Variants in SLMAP observed in about 807,000 individuals in gnomAD.
SLMAP encodes sarcolemma associated protein.
Under a neutral mutation model 128.8 loss-of-function variants are expected in SLMAP, and 44 were observed. The ratio of observed to expected loss-of-function variants is 0.34; its 90% CI spans 0.27 to 0.44. SLMAP has a LOEUF of 0.44. Ranked by LOEUF, SLMAP falls within the 20% of genes least tolerant of loss-of-function variation. The pLI, the probability that SLMAP is intolerant of heterozygous loss-of-function variation, is 1.00. For synonymous variants in SLMAP, 327 were observed against 348.8 expected (o/e 0.94, Z 0.70); for missense variants, 787 against 985.3 (o/e 0.80, Z 2.69).
chr3:57,861,349 A>G (rs1204316334), intron 9 of SLMAP, among the ~76,000 whole-genome samples: 1 of 152,172 alleles, frequency 6.6e-6, no homozygotes, highest in Non-Finnish European at 1.5e-5. Flanking sequence ...TTTGGGGAAA[A>G]AAATTCTAAT....
intron 2 of SLMAP, among the ~76,000 whole-genome samples, chr3:57,821,666 A>G (rs1047825401): frequency 1.1e-4 from 17 of 152,064 alleles, no homozygotes; most frequent in African/African-American, 3.9e-4. Context: ...ATTTCTGGTG[A>G]CTCCCACTGC....
At chr3:57,835,252 A>T (rs1408892048) in intron 3 of SLMAP, among the ~76,000 whole-genome samples, 1 of 151,714 alleles carries the variant, frequency 6.6e-6, no homozygotes, top group Non-Finnish European at 1.5e-5. Flanking sequence ...CAGCCTGGGC[A>T]ACATAGGGAG....
Position 57,865,287 on chromosome 3 carries a change from A to G in SLMAP, c.1232A>G (p.Glu411Gly), listed in dbSNP as rs1397856240. Residue 411 changes from glutamate (E) to glycine (G), a missense_variant, in exon 13 of 25, where the codon GAA becomes GGA. Coordinates refer to ENST00000671191, the MANE Select transcript of SLMAP (RefSeq NM_001377540.1). ...DFLPKINGSTEKEHLLSKSGG... is the reference protein window; with the variant it reads ...DFLPKINGSTGKEHLLSKSGG... The stretch of plus-strand genomic sequence containing the variant: ...TTACCTAAAATAAATGGGAGCACAG[A>G]AAAAGGTAGTGTAAAAAACTTAAAT... 3.5e-6 allele frequency: 5 copies of G among 1,445,936 alleles called. No homozygotes were observed. Among genetic ancestry groups the G allele is most frequent in the Non-Finnish European group, 4.7e-6 (5 of 1,060,354 alleles). The allele number at this position is 1,445,936 out of a possible 1,614,324, so 89.6% of individuals were successfully genotyped here. A position where few individuals can be genotyped will look rare whatever the true frequency, so the allele number is the denominator to read the frequency against.
chr3:57,760,384 A>G (rs1353261254), intron 2 of SLMAP, among the ~76,000 whole-genome samples: 2 of 152,206 alleles, frequency 1.3e-5, no homozygotes, highest in Non-Finnish European at 2.9e-5. Flanking sequence ...GTAATTATTG[A>G]TTATTATACC....
intron 2 of SLMAP, among the ~76,000 whole-genome samples, chr3:57,765,780 A>T (rs1368572269): frequency 6.6e-6 from 1 of 152,228 alleles, no homozygotes; most frequent in Non-Finnish European, 1.5e-5. Flanking sequence ...GAACATGTAT[A>T]GGAAGCCAGA....
intron 19 of SLMAP, among the ~76,000 whole-genome samples, chr3:57,911,204 A>G (rs1465178257): frequency 6.6e-6 from 1 of 152,082 alleles, no homozygotes; most frequent in African/African-American, 2.4e-5. Flanking sequence ...TGGTGCCAGC[A>G]TGTGTATTTC....
chr3:57,858,755 C>T (rs192991371), intron 8 of SLMAP, among the ~76,000 whole-genome samples: 10 of 152,194 alleles, frequency 6.6e-5, no homozygotes, highest in South Asian at 4.1e-4. Context: ...CCAGTCCAAC[C>T]GACATGGAGA....
intron 2 of SLMAP, among the ~76,000 whole-genome samples, chr3:57,775,056 T>C (rs1199722383): frequency 6.9e-6 from 1 of 145,530 alleles, no homozygotes; most frequent in Non-Finnish European, 1.5e-5. Context: ...AACTTTATAT[T>C]TTTCTTTTTT....
chr3:57,803,990 A>G (rs2089225473), intron 2 of SLMAP, among the ~76,000 whole-genome samples: 1 of 152,208 alleles, frequency 6.6e-6, no homozygotes, highest in African/African-American at 2.4e-5. Flanking sequence ...AGTTCCTTGT[A>G]GAGTTCTTCT....
At chr3:57,877,090 GTTA>G (rs1473485148) in intron 14 of SLMAP, among the ~76,000 whole-genome samples, 2 of 151,336 alleles carry the variant, frequency 1.3e-5, no homozygotes, top group African/African-American at 2.4e-5. Flanking sequence ...ATCCGTGTTT[GTTA>G]TTATTATGAG....
At position 57,885,771 on chromosome 3, in the gene SLMAP, C is replaced by CTT. The variant is rs35541333; in HGVS notation, c.1301-4241_1301-4240dup. The stretch of plus-strand genomic sequence containing the variant: ...TTGTTTTGCTTTTCGGTTTTTGGTT[C>CTT]TTTTTTTTTTTTTTTTTTTTTTTTT... On this transcript the variant is annotated intron_variant, in intron 14 of 24. Transcript: ENST00000671191. 7.4e-3 allele frequency among the ~76,000 whole-genome samples: 397 copies of CTT among 53,560 alleles called. 93 individuals are homozygous for CTT. Among genetic ancestry groups the CTT allele is most frequent in the Middle Eastern group, 0.019 (1 of 54 alleles). 35.1% of individuals were successfully genotyped at this position (53,560 alleles called of 152,430 possible). A position where few individuals can be genotyped will look rare whatever the true frequency, so the allele number is the denominator to read the frequency against.
At chr3:57,796,194 G>T (rs1258424439) in intron 2 of SLMAP, among the ~76,000 whole-genome samples, 2 of 152,106 alleles carry the variant, frequency 1.3e-5, no homozygotes, top group Non-Finnish European at 2.9e-5. Context: ...TTTATGGGAG[G>T]AGTTTTATTA....
rs114629904 is a variant in SLMAP, at chr3:57,864,944, A to G, written c.1186+87A>G. On this transcript the variant is annotated intron_variant, in intron 12 of 24. Transcript: ENST00000671191. ...TTACTGTCTCACACTGCATTTTTTA[A>G]GGGATGTTTTATGTATTAGGTATAA... 3,055 of 1,071,910 alleles carry G rather than the reference A, an allele frequency of 2.9e-3. 44 individuals are homozygous for G. In the African/African-American group the frequency reaches 0.044, roughly 16 times the overall value. 66.4% of individuals were successfully genotyped at this position (1,071,910 alleles called of 1,614,324 possible). A position where few individuals can be genotyped will look rare whatever the true frequency, so the allele number is the denominator to read the frequency against.
intron 2 of SLMAP, among the ~76,000 whole-genome samples, chr3:57,778,368 C>CT (rs967410636): frequency 2.9e-4 from 42 of 142,758 alleles, no homozygotes; most frequent in South Asian, 8.8e-4. Context: ...TAATGTGTGC[C>CT]TTTTTTTTTT....
chr3:57,915,072 GA>G (rs976838171), intron 21 of SLMAP, among the ~76,000 whole-genome samples: 11 of 151,576 alleles, frequency 7.3e-5, no homozygotes, highest in African/African-American at 2.7e-4. Context: ...TTCTAGTAGA[GA>G]GGGGGTTTCA....
intron 2 of SLMAP, among the ~76,000 whole-genome samples, chr3:57,789,556 A>C (rs897141238): frequency 6.6e-6 from 1 of 152,168 alleles, no homozygotes; most frequent in Non-Finnish European, 1.5e-5. Context: ...AAACTGACTT[A>C]GCAAGGTTCT....
chr3:57,908,734 C>T (rs965131969), intron 18 of SLMAP, among the ~76,000 whole-genome samples: 1 of 152,110 alleles, frequency 6.6e-6, no homozygotes, highest in Non-Finnish European at 1.5e-5. Flanking sequence ...ATGTGCTTGA[C>T]AGTAAATATA....
rs200743174 is a variant in SLMAP at position 57,776,445 on chromosome 3, A to T, written c.198+18596A>T. 2.0e-5 allele frequency among the ~76,000 whole-genome samples: 3 copies of T among 149,612 alleles called. No homozygotes were observed. The East Asian group carries it at 5.9e-4, about 29-fold the overall frequency. On this transcript the variant is annotated intron_variant, in intron 2 of 24. Coordinates refer to ENST00000671191, the MANE Select transcript of SLMAP (RefSeq NM_001377540.1). ...AATTGAGTGATAGATCAAATAAGTG[A>T]TCGTTTAATGCTTTCTTTGTGAAAT...
At chr3:57,789,353 G>T (rs1234832979) in intron 2 of SLMAP, among the ~76,000 whole-genome samples, 1 of 152,118 alleles carries the variant, frequency 6.6e-6, no homozygotes, top group African/African-American at 2.4e-5. Context: ...AAGGATCAGT[G>T]TGAGGGTAAG....
Sources: gnomAD v4.1 joint callset for allele counts (sites outside exome capture counted in the v4.1 genomes callset) on GRCh38, gnomAD v4.1.1 for gene constraint, MANE v1.5 for transcripts, NCBI Gene and HGNC (gene_info 2026-07-23, HGNC 2026-07-21) for gene names.